The following GPC5 variants were observed in gnomAD, a reference collection of about 807,000 sequenced individuals.
GPC5 encodes the protein glypican-5.
Under a neutral mutation model 53.9 loss-of-function variants are expected in GPC5, and 47 were observed. The ratio of observed to expected loss-of-function variants is 0.87; its 90% CI spans 0.69 to 1.11. GPC5 has a LOEUF of 1.11. Ranked by LOEUF, GPC5 falls within the 50% of genes most tolerant of loss-of-function variation. The pLI is 0.00. For synonymous variants in GPC5, 286 were observed against 263.3 expected, an observed-to-expected ratio of 1.09 and a Z score of -0.84; for missense variants, 748 against 713.1, an observed-to-expected ratio of 1.05 and a Z score of -0.56.
At chr13:91,626,197 T>A (rs139120784) in intron 2 of GPC5, among the ~76,000 whole-genome samples, 109 of 152,322 alleles carry the variant, frequency 7.2e-4, no homozygotes, top group African/African-American at 2.4e-3. Flanking sequence ...AATTCTATAC[T>A]TCAAGGTTAC....
At chr13:92,276,125 G>A (rs1293400316) in intron 7 of GPC5, among the ~76,000 whole-genome samples, 1 of 152,068 alleles carries the variant, frequency 6.6e-6, no homozygotes, top group Non-Finnish European at 1.5e-5. Context: ...TCAGCTTCCA[G>A]TGTGTGTGTG....
intron 7 of GPC5, among the ~76,000 whole-genome samples, chr13:92,525,479 TGA>T (rs1555286747): frequency 6.2e-5 from 9 of 144,660 alleles, no homozygotes; most frequent in African/African-American, 2.1e-4. Context: ...TGTGTGTGTG[TGA>T]AACAACCAGA....
chr13:92,711,119 T>A (rs1425627639), intron 7 of GPC5, among the ~76,000 whole-genome samples: 3 of 152,176 alleles, frequency 2.0e-5, no homozygotes, highest in African/African-American at 7.2e-5. Flanking sequence ...ACAGAAGATG[T>A]GCATTAAAAA....
chr13:92,837,825 G>T (rs780573745), intron 7 of GPC5, among the ~76,000 whole-genome samples: 2 of 152,160 alleles, frequency 1.3e-5, no homozygotes, highest in African/African-American at 2.4e-5. Context: ...GGGCACAGTG[G>T]CTCATGCCTG....
intron 7 of GPC5, among the ~76,000 whole-genome samples, chr13:92,598,318 AAT>A (rs1328919635): frequency 1.3e-5 from 2 of 152,138 alleles, no homozygotes; most frequent in African/African-American, 4.8e-5. Flanking sequence ...ACTGTAGCAG[AAT>A]ATGTTTTGTT....
chr13:91,596,347 T>A (rs2032994510), intron 2 of GPC5, among the ~76,000 whole-genome samples: 1 of 152,266 alleles, frequency 6.6e-6, no homozygotes, highest in South Asian at 2.1e-4. Flanking sequence ...TCACATGCTA[T>A]GTGATTACAT....
At chr13:91,698,259 T>C (rs564738160) in intron 3 of GPC5, among the ~76,000 whole-genome samples, 1 of 152,310 alleles carries the variant, frequency 6.6e-6, no homozygotes, top group African/African-American at 2.4e-5. Context: ...TAATAGAGAT[T>C]CAGCTGGTTG....
chr13:92,374,944 C>G (rs1005517692), intron 7 of GPC5, among the ~76,000 whole-genome samples: 1 of 150,928 alleles, frequency 6.6e-6, no homozygotes, highest in Admixed American at 6.6e-5. Flanking sequence ...TAGGAAGATT[C>G]TATGGGATGG....
chr13:91,938,886 T>A (rs1479240786), intron 6 of GPC5, among the ~76,000 whole-genome samples: 1 of 152,124 alleles, frequency 6.6e-6, no homozygotes, highest in Non-Finnish European at 1.5e-5. Flanking sequence ...GTTTTAGTTT[T>A]CTGTTTTCTT....
intron 7 of GPC5, among the ~76,000 whole-genome samples, chr13:92,505,712 C>G (rs1594258203): frequency 6.6e-6 from 1 of 152,088 alleles, no homozygotes; most frequent in African/African-American, 2.4e-5. Flanking sequence ...ACCCAAATAT[C>G]TTTCAATGGT....
intron 7 of GPC5, among the ~76,000 whole-genome samples, chr13:92,815,534 G>T (rs980398186): frequency 6.6e-6 from 1 of 150,676 alleles, no homozygotes; most frequent in East Asian, 2.3e-4. Flanking sequence ...TGCTGACTCT[G>T]TGATTTTTTT....
chr13:91,595,872 C>T (rs1264164396), intron 2 of GPC5, among the ~76,000 whole-genome samples: 4 of 152,132 alleles, frequency 2.6e-5, no homozygotes, highest in African/African-American at 9.7e-5. Flanking sequence ...TTAGTGACCT[C>T]GATGTTACCA....
At chr13:92,218,083 C>A (rs2042423794) in intron 7 of GPC5, among the ~76,000 whole-genome samples, 1 of 151,740 alleles carries the variant, frequency 6.6e-6, no homozygotes, top group Admixed American at 6.6e-5. Flanking sequence ...GCCACCATGG[C>A]TGACTAATTT....
chr13:92,500,973 G>T (rs1880161704), intron 7 of GPC5, among the ~76,000 whole-genome samples: 1 of 152,026 alleles, frequency 6.6e-6, no homozygotes, highest in Non-Finnish European at 1.5e-5. Flanking sequence ...CCCCTACCCA[G>T]TTGACTATCT....
rs1594265381 is a variant in GPC5, at chr13:92,514,450, C to T, written c.1562-351832C>T. On this transcript the variant is annotated intron_variant, in intron 7 of 7. Coordinates refer to ENST00000377067, the MANE Select transcript of GPC5 (RefSeq NM_004466.6). Reference sequence around the variant, plus strand: ...CCCAGAAAATTTGGTACAAGGAAAACCACAGAAAGAACTACTACTTTTTCC... The same window carrying T: ...CCCAGAAAATTTGGTACAAGGAAAATCACAGAAAGAACTACTACTTTTTCC... Among the ~76,000 whole-genome samples, 4 of 152,234 alleles carry T rather than the reference C, an allele frequency of 2.6e-5. No homozygotes were observed. In the South Asian group the frequency reaches 8.3e-4, roughly 32 times the overall value.
At chr13:92,021,405 A>G (rs576353722) in intron 6 of GPC5, among the ~76,000 whole-genome samples, 16 of 152,336 alleles carry the variant, frequency 1.1e-4, no homozygotes, top group African/African-American at 3.6e-4. Flanking sequence ...GATTCCACTT[A>G]TATGAGATAT....
chr13:92,674,669 G>T (rs1324427256), intron 7 of GPC5, among the ~76,000 whole-genome samples: 1 of 151,888 alleles, frequency 6.6e-6, no homozygotes, highest in African/African-American at 2.4e-5. Context: ...TTCTAGAAGG[G>T]CTTCATGTCC....
chr13:91,965,779 G>A (rs556967299), intron 6 of GPC5, among the ~76,000 whole-genome samples: 1 of 152,148 alleles, frequency 6.6e-6, no homozygotes, highest in East Asian at 1.9e-4. Context: ...TGCTTGAGCT[G>A]TTGCCATTGT....
At chr13:92,762,789 G>A (rs547990904) in intron 7 of GPC5, among the ~76,000 whole-genome samples, 42 of 151,238 alleles carry the variant, frequency 2.8e-4, no homozygotes, top group Non-Finnish European at 8.8e-5. Flanking sequence ...TTCTCTTATT[G>A]GGTAATTTCA....
Sources: gnomAD v4.1 joint callset for allele counts (sites outside exome capture counted in the v4.1 genomes callset) on GRCh38, gnomAD v4.1.1 for gene constraint, MANE v1.5 for transcripts, NCBI Gene and HGNC (gene_info 2026-07-23, HGNC 2026-07-21) for gene names.